Variants in CAMTA1 observed in about 807,000 individuals in gnomAD.
CAMTA1 encodes calmodulin binding transcription activator 1, also known as calmodulin-binding transcription activator 1.
In CAMTA1, 27 loss-of-function variants were observed where a neutral mutation model predicts 170.9. The ratio of observed to expected loss-of-function variants is 0.16; its 90% CI spans 0.12 to 0.22. The LOEUF is 0.22. CAMTA1 is among the 10% of genes least tolerant of loss of function. CAMTA1 has a pLI of 1.00. For missense variants in CAMTA1, 1,619 were observed against 2,217.2 expected (o/e 0.73, Z 5.42); for synonymous variants, 833 against 891.5 (o/e 0.93, Z 1.17).
intron 3 of CAMTA1, among the ~76,000 whole-genome samples, chr1:7,013,115 T>C (rs1244409632): frequency 6.6e-6 from 1 of 151,886 alleles, no homozygotes; most frequent in Non-Finnish European, 1.5e-5. Flanking sequence ...TCGTCCCTCA[T>C]TGCCTTGTGC....
chr1:7,149,935 G>A (rs1438207112), intron 4 of CAMTA1, among the ~76,000 whole-genome samples: 2 of 152,216 alleles, frequency 1.3e-5, no homozygotes, highest in African/African-American at 4.8e-5. Flanking sequence ...GCCGTACCTG[G>A]GGGCTTGTAC....
chr1:6,948,482 T>C (rs1361467859), intron 3 of CAMTA1, among the ~76,000 whole-genome samples: 5 of 152,218 alleles, frequency 3.3e-5, no homozygotes, highest in Admixed American at 1.3e-4. Context: ...TTCATCCTCT[T>C]AGCAACCCTG....
chr1:6,929,992 C>A (rs1250326139), intron 3 of CAMTA1, among the ~76,000 whole-genome samples: 1 of 152,192 alleles, frequency 6.6e-6, no homozygotes, highest in Non-Finnish European at 1.5e-5. Flanking sequence ...TGGTATTTGT[C>A]CCCTACACCA....
chr1:7,701,925 G>T (rs2096444832), intron 11 of CAMTA1, among the ~76,000 whole-genome samples: 1 of 152,050 alleles, frequency 6.6e-6, no homozygotes, highest in Non-Finnish European at 1.5e-5. Context: ...ATACCACAAG[G>T]AACCACCTGT....
At chr1:7,096,444 C>CT (rs1450470455) in intron 4 of CAMTA1, among the ~76,000 whole-genome samples, 1 of 152,226 alleles carries the variant, frequency 6.6e-6, no homozygotes, top group African/African-American at 2.4e-5. Context: ...ACATCCGACT[C>CT]TGTCTCCCCG....
At chr1:6,803,740 G>A (rs1644167213) in intron 1 of CAMTA1, among the ~76,000 whole-genome samples, 1 of 152,152 alleles carries the variant, frequency 6.6e-6, no homozygotes, top group Admixed American at 6.5e-5. Flanking sequence ...TTTTAAAGAT[G>A]GTCTCACTCT....
chr1:6,787,093 T>G (rs1208048498), intron 1 of CAMTA1, among the ~76,000 whole-genome samples: 1 of 152,264 alleles, frequency 6.6e-6, no homozygotes, highest in Non-Finnish European at 1.5e-5. Flanking sequence ...TCCCGATTGT[T>G]TTTTGAGAGA....
chr1:7,472,246 T>C (rs998217114), intron 6 of CAMTA1, among the ~76,000 whole-genome samples: 1 of 152,108 alleles, frequency 6.6e-6, no homozygotes, highest in Non-Finnish European at 1.5e-5. Flanking sequence ...AGGGTGGCAG[T>C]GCAGGTCGGG....
chr1:7,067,608 G>A lies in CAMTA1; in HGVS notation c.235-23696G>A, dbSNP rs529901149. On this transcript the variant is annotated intron_variant, in intron 3 of 22. Coordinates refer to ENST00000303635, the MANE Select transcript of CAMTA1 (RefSeq NM_015215.4). The surrounding 1 kb of genome is among the most constrained non-coding windows in gnomAD (Gnocchi z 4.3). ...AAAGAACAAGGTAGATAAGTTCCTCGCATTTATTGTGTGTCTATTTGTCTA... is the reference window on the plus strand; with the variant it reads ...AAAGAACAAGGTAGATAAGTTCCTCACATTTATTGTGTGTCTATTTGTCTA... 9.2e-5 allele frequency among the ~76,000 whole-genome samples: 14 copies of A among 152,292 alleles called. No individual in the cohort carries two copies. The highest frequency in any genetic ancestry group is 6.2e-4 in the South Asian group (3 of 4,820).
rs1661264825 is a variant in CAMTA1 at position 7,224,039 on chromosome 1, G to A, written c.303-25452G>A. Among the ~76,000 whole-genome samples, 1 of 152,144 alleles carries A rather than the reference G, an allele frequency of 6.6e-6. No homozygotes were observed. Among genetic ancestry groups the A allele is most frequent in the South Asian group, 2.1e-4 (1 of 4,820 alleles). The stretch of plus-strand genomic sequence containing the variant: ...ATCTTCTGGGTGTGTAATGACCACA[G>A]ACTAATCTTAATCATAATCACTACC... On this transcript the variant is annotated intron_variant, in intron 4 of 22. Coordinates refer to ENST00000303635, the MANE Select transcript of CAMTA1 (RefSeq NM_015215.4). This position sits in a 1 kb window ranked among gnomAD's most constrained non-coding sequence, Gnocchi z 5.2.
At chr1:7,103,860 TAC>T (rs780708424) in intron 4 of CAMTA1, among the ~76,000 whole-genome samples, 116 of 4,762 alleles carry the variant, frequency 0.024, 1 homozygote, top group Middle Eastern at 0.083. Context: ...ACAACACACA[TAC>T]ACACACACAC....
intron 5 of CAMTA1, among the ~76,000 whole-genome samples, chr1:7,397,112 C>T (rs1324646865): frequency 6.6e-6 from 1 of 152,136 alleles, no homozygotes; most frequent in African/African-American, 2.4e-5. Context: ...GCAATGAAGT[C>T]ATCAGGTCCT....
At chr1:7,264,443 T>G (rs11120890) in intron 5 of CAMTA1, among the ~76,000 whole-genome samples, 1 of 152,056 alleles carries the variant, frequency 6.6e-6, no homozygotes, top group African/African-American at 2.4e-5. Context: ...GTCAAGGACC[T>G]TGGTCAGACT....
chr1:7,215,393 T>TTTTG (rs1558258382), intron 4 of CAMTA1, among the ~76,000 whole-genome samples: 1 of 152,232 alleles, frequency 6.6e-6, no homozygotes, highest in Non-Finnish European at 1.5e-5. Flanking sequence ...GTATGTAGTT[T>TTTTG]TTTGTTTGTT....
chr1:7,510,390 C>A lies in CAMTA1; in HGVS notation c.510+42489C>A, dbSNP rs1277870778. Reference sequence around the variant, plus strand: ...CCATCCCACCTCTGACACCTGCTGGCATTGATGCACCTTGCTTCGCCCCTG... The same window carrying A: ...CCATCCCACCTCTGACACCTGCTGGAATTGATGCACCTTGCTTCGCCCCTG... On this transcript the variant is annotated intron_variant, in intron 6 of 22. Transcript: ENST00000303635. 1.4e-5 allele frequency among the ~76,000 whole-genome samples: 2 copies of A among 145,636 alleles called. 1 individual carries two copies. The highest frequency in any genetic ancestry group is 3.1e-5 in the Non-Finnish European group (2 of 64,984).
At chr1:7,052,536 TCA>T (rs1314240962) in intron 3 of CAMTA1, among the ~76,000 whole-genome samples, 1 of 152,124 alleles carries the variant, frequency 6.6e-6, no homozygotes, top group Non-Finnish European at 1.5e-5. Context: ...ATTCCTGGTC[TCA>T]CACCCTCCCC....
At chr1:6,847,869 A>AT (rs70984025) in intron 3 of CAMTA1, among the ~76,000 whole-genome samples, 43,236 of 139,208 alleles carry the variant, frequency 0.31, 6,657 homozygotes, top group Admixed American at 0.4. Context: ...CACCCAGCTA[A>AT]TTTTTTTTTT....
chr1:7,191,508 T>G (rs983598066), intron 4 of CAMTA1, among the ~76,000 whole-genome samples: 1 of 152,334 alleles, frequency 6.6e-6, no homozygotes, highest in East Asian at 1.9e-4. Context: ...TGGCACCATC[T>G]TTTTTACACC....
chr1:7,037,819 C>T (rs947719436), intron 3 of CAMTA1, among the ~76,000 whole-genome samples: 94 of 146,488 alleles, frequency 6.4e-4, no homozygotes, highest in African/African-American at 1.9e-3. Context: ...GCCTGGGCAA[C>T]AGAGCGAGAC....
Sources: allele counts gnomAD v4.1 joint callset (sites outside exome capture counted in the v4.1 genomes callset), GRCh38; gene constraint gnomAD v4.1.1; non-coding constraint Gnocchi (gnomAD v3.1); transcripts MANE v1.5; gene names NCBI Gene and HGNC (gene_info 2026-07-23, HGNC 2026-07-21).